The following HEMK2 variants were observed in gnomAD, a reference collection of about 807,000 sequenced individuals.
The protein encoded by HEMK2 is HemK methyltransferase 2, ETF1 glutamine and histone H4 lysine.
the HEMK2 span, among the ~76,000 whole-genome samples, chr21:28,821,729 A>C: frequency 1.3e-5 from 2 of 152,234 alleles, no homozygotes; most frequent in African/African-American, 4.8e-5. Context: ...CTAATAATAA[A>C]AACAACAATT....
chr21:28,628,866 G>A, the HEMK2 span, among the ~76,000 whole-genome samples: 1 of 152,322 alleles, frequency 6.6e-6, no homozygotes, highest in South Asian at 2.1e-4. Flanking sequence ...CATGTGCTCT[G>A]GCATTAACTG....
At chr21:28,686,063 G>A in the HEMK2 span, among the ~76,000 whole-genome samples, 3 of 152,292 alleles carry the variant, frequency 2.0e-5, no homozygotes, top group East Asian at 5.8e-4. Context: ...CTATATTAGT[G>A]AGTGTTCAAG....
chr21:28,589,588 T>A, the HEMK2 span, among the ~76,000 whole-genome samples: 1 of 152,054 alleles, frequency 6.6e-6, no homozygotes, highest in South Asian at 2.1e-4. Flanking sequence ...TAAAGGACAG[T>A]GGACAGTGGG....
the HEMK2 span, among the ~76,000 whole-genome samples, chr21:28,608,433 T>C: frequency 6.8e-6 from 1 of 147,650 alleles, no homozygotes; most frequent in East Asian, 2.0e-4. Flanking sequence ...AAATGGCTGA[T>C]AGGAGGTAGG....
chr21:28,857,454 CT>C, the HEMK2 span, among the ~76,000 whole-genome samples: 6,097 of 151,856 alleles, frequency 0.04, 145 homozygotes, highest in Middle Eastern at 0.11. Flanking sequence ...TTCTGTATAA[CT>C]TTTTTTTGCT....
chr21:28,594,867 C>T, the HEMK2 span, among the ~76,000 whole-genome samples: 1 of 152,174 alleles, frequency 6.6e-6, no homozygotes, highest in East Asian at 1.9e-4. Flanking sequence ...ATTGCTGCAT[C>T]GTTCACAATA....
At chr21:28,587,723 G>A in the HEMK2 span, among the ~76,000 whole-genome samples, 1 of 152,138 alleles carries the variant, frequency 6.6e-6, no homozygotes, top group Admixed American at 6.5e-5. Flanking sequence ...TCTACAGTCT[G>A]TCATCTCTTC....
chr21:28,729,482 G>C, the HEMK2 span, among the ~76,000 whole-genome samples: 1 of 152,158 alleles, frequency 6.6e-6, no homozygotes, highest in Non-Finnish European at 1.5e-5. Context: ...GAAGAGCACT[G>C]TCTCAGGCAA....
the HEMK2 span, among the ~76,000 whole-genome samples, chr21:28,755,008 T>C: frequency 1.3e-5 from 2 of 152,154 alleles, no homozygotes; most frequent in Non-Finnish European, 2.9e-5. Context: ...CATTTTGATG[T>C]GGGCCTTTCA....
chr21:28,805,808 T>C, the HEMK2 span, among the ~76,000 whole-genome samples: 1 of 152,230 alleles, frequency 6.6e-6, no homozygotes, highest in African/African-American at 2.4e-5. Flanking sequence ...TCTGCTTTCT[T>C]TTCTCTGAAA....
chr21:28,632,637 C>T, the HEMK2 span, among the ~76,000 whole-genome samples: 1 of 152,084 alleles, frequency 6.6e-6, no homozygotes, highest in Non-Finnish European at 1.5e-5. Context: ...TTTCTCTGTC[C>T]ACACGGTAAA....
At chr21:28,594,548 C>T in the HEMK2 span, among the ~76,000 whole-genome samples, 1 of 152,108 alleles carries the variant, frequency 6.6e-6, no homozygotes, top group Non-Finnish European at 1.5e-5. Context: ...TGCTCTTAAA[C>T]CTAGGCAATA....
the HEMK2 span, chr21:28,873,881 G>C: frequency 6.6e-6 from 1 of 152,332 alleles, no homozygotes; most frequent in East Asian, 1.9e-4. Context: ...CAGTGCATAA[G>C]TCATGGGAAC....
chr21:28,628,764 T>G, the HEMK2 span, among the ~76,000 whole-genome samples: 2 of 152,354 alleles, frequency 1.3e-5, no homozygotes, highest in African/African-American at 4.8e-5. Context: ...TGCAAAAGTT[T>G]TCTTGAACAG....
chr21:28,679,282 CAA>C, the HEMK2 span, among the ~76,000 whole-genome samples: 34 of 152,056 alleles, frequency 2.2e-4, 1 homozygote, highest in African/African-American at 6.8e-4. Flanking sequence ...CCACAAAGAT[CAA>C]AAGAGACAAA....
chr21:28,692,820 A>G, the HEMK2 span, among the ~76,000 whole-genome samples: 1 of 152,196 alleles, frequency 6.6e-6, no homozygotes, highest in Non-Finnish European at 1.5e-5. Flanking sequence ...TTATTCTACA[A>G]TAAAATGGAA....
chr21:28,781,562 A>C, the HEMK2 span, among the ~76,000 whole-genome samples: 1 of 152,356 alleles, frequency 6.6e-6, no homozygotes, highest in African/African-American at 2.4e-5. Flanking sequence ...TAAAATCAGC[A>C]ATGGTAAAAG....
At chr21:28,635,784 GCTGT>G in the HEMK2 span, among the ~76,000 whole-genome samples, 66 of 152,248 alleles carry the variant, frequency 4.3e-4, no homozygotes, top group African/African-American at 1.4e-3. Flanking sequence ...CTCTTTCAGT[GCTGT>G]CTAATAGAAC....
At chr21:28,882,954 T>C in the HEMK2 span, 1 of 1,387,710 alleles carries the variant, frequency 7.2e-7, no homozygotes, top group Admixed American at 2.0e-5. Flanking sequence ...AACCTGTCAG[T>C]GGAAGATCTA....
Sources: allele counts gnomAD v4.1 joint callset (sites outside exome capture counted in the v4.1 genomes callset), GRCh38; gene constraint gnomAD v4.1.1; transcripts MANE v1.5; gene names NCBI Gene and HGNC (gene_info 2026-07-23, HGNC 2026-07-21).